Variants in PDE1A observed in about 807,000 individuals in gnomAD.
PDE1A encodes dual specificity calcium/calmodulin-dependent 3',5'-cyclic nucleotide phosphodiesterase 1A.
Under a neutral mutation model 61.7 loss-of-function variants are expected in PDE1A, and 35 were observed. The observed-to-expected ratio is 0.57, with a 90% confidence interval of 0.43 to 0.75. The LOEUF is 0.75. PDE1A is among the 30% of genes least tolerant of loss of function. The pLI, the probability that PDE1A is intolerant of heterozygous loss-of-function variation, is 0.00. For synonymous variants in PDE1A, 232 were observed against 213.2 expected, an observed-to-expected ratio of 1.09 and a Z score of -0.77; for missense variants, 597 against 630.6, an observed-to-expected ratio of 0.95 and a Z score of 0.57.
chr2:182,381,166 A>G (rs1231195684), intron 1 of PDE1A, among the ~76,000 whole-genome samples: 2 of 152,018 alleles, frequency 1.3e-5, no homozygotes, highest in African/African-American at 4.8e-5. Flanking sequence ...TTCTTCATGA[A>G]TGTGTACTTT....
intron 1 of PDE1A, among the ~76,000 whole-genome samples, chr2:182,384,619 A>G (rs1700924369): frequency 6.6e-6 from 1 of 152,000 alleles, no homozygotes; most frequent in African/African-American, 2.4e-5. Context: ...ATATGTAGTC[A>G]GAAGAGGGAA....
At chr2:182,552,826 T>C in the PDE1A span, among the ~76,000 whole-genome samples, 11 of 152,160 alleles carry the variant, frequency 7.2e-5, no homozygotes, top group Admixed American at 7.2e-4. Context: ...TTTCACTCTA[T>C]TTCACTCTAT....
the PDE1A span, among the ~76,000 whole-genome samples, chr2:182,665,700 GCAATTC>G: frequency 6.6e-6 from 1 of 152,204 alleles, no homozygotes; most frequent in African/African-American, 2.4e-5. Context: ...ATTTGACCCA[GCAATTC>G]CATTACTGGG....
At chr2:182,676,266 C>T in the PDE1A span, among the ~76,000 whole-genome samples, 8 of 151,888 alleles carry the variant, frequency 5.3e-5, no homozygotes, top group Non-Finnish European at 1.0e-4. Context: ...AAAATAAACA[C>T]CAAAAACTAC....
rs374862830 is a variant in PDE1A at position 182,368,220 on chromosome 2, G to A, written c.53+58358C>T. Reference sequence around the variant, plus strand: ...CATAACACTTTCTAATATCATTATCGCATTTTACAGCATTATCAACAATTC... The same window carrying A: ...CATAACACTTTCTAATATCATTATCACATTTTACAGCATTATCAACAATTC... On this transcript the variant is annotated intron_variant, in intron 1 of 13. Coordinates refer to ENST00000351439, the Ensembl canonical transcript of PDE1A. Among the ~76,000 whole-genome samples the A allele has an allele frequency of 4.6e-5, 7 of 151,890 alleles. 1 individual carries two copies. Among genetic ancestry groups the A allele is most frequent in the South Asian group, 2.1e-4 (1 of 4,820 alleles).
the PDE1A span, among the ~76,000 whole-genome samples, chr2:182,673,846 A>G: frequency 2.6e-5 from 4 of 151,760 alleles, no homozygotes; most frequent in African/African-American, 9.7e-5. Context: ...TATACAAATC[A>G]GCTCCTCTGT....
In PDE1A at chr2:182,519,396, C is replaced by A. The variant is rs922301909; in HGVS notation, c.101+2880G>T. Among the ~76,000 whole-genome samples, 3 of 151,806 alleles carry A rather than the reference C, an allele frequency of 2.0e-5. No homozygotes were observed. The East Asian group carries it at 5.8e-4, about 29-fold the overall frequency. On this transcript the variant is annotated intron_variant, in intron 2 of 14. Transcript: ENST00000410103. Reference sequence around the variant, plus strand: ...GAATCTAAATTGTTGTACTGAGTAACAAATTAGTGGTTGAATATGGAAAAA... The same window carrying A: ...GAATCTAAATTGTTGTACTGAGTAAAAAATTAGTGGTTGAATATGGAAAAA...
intron 1 of PDE1A, among the ~76,000 whole-genome samples, chr2:182,338,677 C>T (rs1426066235): frequency 6.6e-6 from 1 of 152,112 alleles, no homozygotes; most frequent in Non-Finnish European, 1.5e-5. Flanking sequence ...GCACCTGACA[C>T]CACGCCTGGC....
the PDE1A span, among the ~76,000 whole-genome samples, chr2:182,600,931 C>A: frequency 6.6e-6 from 1 of 152,202 alleles, no homozygotes. Context: ...ATGTCTCCTG[C>A]TACTTTTCAG....
chr2:182,469,201 C>T (rs1686869110), intron 2 of PDE1A, among the ~76,000 whole-genome samples: 1 of 151,784 alleles, frequency 6.6e-6, no homozygotes, highest in Non-Finnish European at 1.5e-5. Flanking sequence ...TCCTAGATGG[C>T]ATCTTCTTCC....
chr2:182,368,683 T>C (rs1284975437), intron 1 of PDE1A, among the ~76,000 whole-genome samples: 5 of 152,174 alleles, frequency 3.3e-5, no homozygotes, highest in South Asian at 2.1e-4. Flanking sequence ...AGCAAGAAGT[T>C]TGCAGACTGG....
chr2:182,633,699 T>C, the PDE1A span, among the ~76,000 whole-genome samples: 1 of 152,288 alleles, frequency 6.6e-6, no homozygotes, highest in Non-Finnish European at 1.5e-5. Context: ...ATATTTCTAA[T>C]CATTTGGCCT....
chr2:182,199,083 T>TA (rs1300967854), intron 10 of PDE1A, among the ~76,000 whole-genome samples: 5 of 152,002 alleles, frequency 3.3e-5, no homozygotes, highest in African/African-American at 1.2e-4. Context: ...TGGTAATTTA[T>TA]ATCTGTCAAA....
At chr2:182,452,837 A>C (rs1685619244) in intron 2 of PDE1A, among the ~76,000 whole-genome samples, 1 of 152,088 alleles carries the variant, frequency 6.6e-6, no homozygotes, top group African/African-American at 2.4e-5. Flanking sequence ...AACCAGAATA[A>C]TCAAGGGATA....
Position 182,279,352 on chromosome 2 carries a change from C to T in PDE1A, c.54-14938G>A, listed in dbSNP as rs552167413. Among the ~76,000 whole-genome samples the T allele has an allele frequency of 7.9e-5, 12 of 152,048 alleles. No individual in the cohort carries two copies. In the South Asian group the frequency reaches 2.3e-3, roughly 29 times the overall value. On this transcript the variant is annotated intron_variant, in intron 1 of 13. Coordinates refer to ENST00000351439, the Ensembl canonical transcript of PDE1A. The stretch of plus-strand genomic sequence containing the variant: ...AAAATAGAGAAATCTTATCAGTCTT[C>T]TTTAGGACTTGTTCCCTGGGAAGCC...
At chr2:182,319,544 C>T (rs112224605) in intron 1 of PDE1A, among the ~76,000 whole-genome samples, 1,700 of 152,150 alleles carry the variant, frequency 0.011, 25 homozygotes, top group South Asian at 0.07. Flanking sequence ...TAGCATAATA[C>T]GCATTAATGG....
intron 2 of PDE1A, among the ~76,000 whole-genome samples, chr2:182,517,531 G>A (rs1454558982): frequency 4.6e-5 from 7 of 152,178 alleles, no homozygotes; most frequent in Non-Finnish European, 1.0e-4. Flanking sequence ...TGGAATCCAA[G>A]AGCAAATCCA....
chr2:182,176,748 A>T (rs1230633881), intron 13 of PDE1A, among the ~76,000 whole-genome samples: 1 of 146,230 alleles, frequency 6.8e-6, no homozygotes, highest in Non-Finnish European at 1.5e-5. Context: ...GAGAGAGGGC[A>T]TCCCTGTCTT....
chr2:182,443,862 C>G (rs987209642), intron 2 of PDE1A, among the ~76,000 whole-genome samples: 1 of 151,860 alleles, frequency 6.6e-6, no homozygotes, highest in Non-Finnish European at 1.5e-5. Context: ...CGCCACCATG[C>G]CCGGCTAATT....
Sources: allele counts gnomAD v4.1 joint callset (sites outside exome capture counted in the v4.1 genomes callset), GRCh38; gene constraint gnomAD v4.1.1; transcripts MANE v1.5; gene names NCBI Gene and HGNC (gene_info 2026-07-23, HGNC 2026-07-21).